Variants in IKZF1 observed in about 807,000 individuals in gnomAD.
IKZF1 encodes the protein IKAROS family zinc finger 1, also known as DNA-binding protein Ikaros.
In IKZF1, 10 loss-of-function variants were observed where a neutral mutation model predicts 51.7. The ratio of observed to expected loss-of-function variants is 0.19; its 90% CI spans 0.12 to 0.33. The LOEUF (loss-of-function observed/expected upper bound fraction) is 0.33. Among genes scored for constraint, IKZF1 ranks in the 10% least tolerant of loss-of-function variants. IKZF1 has a pLI of 1.00. For synonymous variants in IKZF1, 280 were observed against 282.3 expected (o/e 0.99, Z 0.08); for missense variants, 484 against 707.5 (o/e 0.68, Z 3.58).
intron 5 of IKZF1, among the ~76,000 whole-genome samples, chr7:50,386,871 G>A (rs759230114): frequency 3.9e-5 from 6 of 152,186 alleles, no homozygotes; most frequent in Non-Finnish European, 8.8e-5. Context: ...TTTAGCACCT[G>A]GAACTGAATT....
At chr7:50,327,910 G>A (rs1057062865) in intron 3 of IKZF1, 153 bp downstream of exon 3, 25 of 892,502 alleles carry the variant, frequency 2.8e-5, no homozygotes, top group Non-Finnish European at 4.2e-5. Context: ...GCAGGATGGG[G>A]GTCCTCTGGT....
intron 3 of IKZF1, among the ~76,000 whole-genome samples, chr7:50,346,536 C>T (rs1277861061): frequency 6.6e-6 from 1 of 152,154 alleles, no homozygotes; most frequent in African/African-American, 2.4e-5. Flanking sequence ...AAATAAACAC[C>T]ATGATGCCTT....
intron 3 of IKZF1, among the ~76,000 whole-genome samples, chr7:50,345,498 G>A (rs887743037): frequency 2.0e-5 from 3 of 152,168 alleles, no homozygotes; most frequent in Admixed American, 2.0e-4. Context: ...CAGCACTCCA[G>A]AACACATGGG....
chr7:50,400,227 A>G lies in IKZF1; in HGVS notation c.1160A>G (p.Glu387Gly). 1 of 1,601,150 alleles carries G rather than the reference A, an allele frequency of 6.2e-7. No individual in the cohort carries two copies. The change falls in exon 8 of 8, where the codon GAG becomes GGG. Residue 387 changes from glutamate to glycine, a missense_variant. Transcript: ENST00000331340. The surrounding 1 kb of genome is among the most constrained non-coding windows in gnomAD (Gnocchi z 5.4). ...SKAKLVPSER[E>G]ASPSNSCQDS... The stretch of plus-strand genomic sequence containing the variant: ...GCCAAGTTGGTGCCCTCGGAGCGCG[A>G]GGCGTCCCCGAGCAACAGCTGCCAA...
upstream of IKZF1, chr7:50,304,081 G>A (rs1461385396): frequency 1.4e-5 from 2 of 144,630 alleles, no homozygotes; most frequent in African/African-American, 5.0e-5. Flanking sequence ...CCCGGCGCGG[G>A]CGAGCGGGCT....
At position 50,372,318 on chromosome 7, in the gene IKZF1, C is replaced by T. The variant is rs185674759; in HGVS notation, c.161-4215C>T. On this transcript the variant is annotated intron_variant, in intron 3 of 7. Coordinates refer to ENST00000331340, the MANE Select transcript of IKZF1 (RefSeq NM_006060.6). ...CGCACTGCTTGAATCTTACGCGCCC[C>T]GTGGTGACGGTGTTGCCCACTCTGT... is the stretch of plus-strand genomic sequence containing the variant. Among the ~76,000 whole-genome samples, 387 of 152,312 alleles carry T rather than the reference C, an allele frequency of 2.5e-3. 3 individuals carry two copies. Among genetic ancestry groups the T allele is most frequent in the African/African-American group, 8.8e-3 (365 of 41,564 alleles).
intron 6 of IKZF1, among the ~76,000 whole-genome samples, chr7:50,388,847 C>T (rs1436729752): frequency 6.6e-6 from 1 of 152,122 alleles, no homozygotes; most frequent in Non-Finnish European, 1.5e-5. Context: ...GAAGGAAGTG[C>T]TCCTAATGAT....
chr7:50,327,602 G>A (rs1318526735), intron 2 of IKZF1, 36 bp from the exon 3 acceptor site: 1 of 1,566,706 alleles, frequency 6.4e-7, no homozygotes. Flanking sequence ...CCTTGACCAT[G>A]ACCGCCCGAG....
At chr7:50,313,537 C>T (rs1790698832) in intron 1 of IKZF1, among the ~76,000 whole-genome samples, 1 of 152,170 alleles carries the variant, frequency 6.6e-6, no homozygotes, top group South Asian at 2.1e-4. Context: ...ATCTGTCATG[C>T]ATTTGGAGTG....
At chr7:50,372,415 C>G (rs975025226) in intron 3 of IKZF1, among the ~76,000 whole-genome samples, 3 of 152,236 alleles carry the variant, frequency 2.0e-5, no homozygotes, top group Non-Finnish European at 2.9e-5. Context: ...CAACCTTTCC[C>G]GTCATAACAT....
intron 3 of IKZF1, among the ~76,000 whole-genome samples, chr7:50,339,970 GTCT>G (rs1371908106): frequency 6.6e-6 from 1 of 152,216 alleles, no homozygotes; most frequent in East Asian, 1.9e-4. Flanking sequence ...GATTAAGTTG[GTCT>G]TCTGCAAAGA....
At chr7:50,362,454 A>G (rs556377455) in intron 3 of IKZF1, among the ~76,000 whole-genome samples, 2 of 152,238 alleles carry the variant, frequency 1.3e-5, no homozygotes, top group East Asian at 1.9e-4. Context: ...CACTAGCCCT[A>G]TTGTTTTTCC....
At chr7:50,391,608 TA>T (rs1396904951) in intron 6 of IKZF1, 120 bp from the exon 7 acceptor site, 4 of 1,416,196 alleles carry the variant, frequency 2.8e-6, no homozygotes, top group Non-Finnish European at 2.8e-6. Flanking sequence ...AGATTAGAAT[TA>T]ATCTCTAGGA....
At chr7:50,365,893 A>T (rs1421250986) in intron 3 of IKZF1, among the ~76,000 whole-genome samples, 2 of 152,328 alleles carry the variant, frequency 1.3e-5, no homozygotes, top group East Asian at 3.9e-4. Flanking sequence ...TCAATGATAG[A>T]CTGGATAAAG....
chr7:50,365,053 G>C (rs2153452328), intron 3 of IKZF1, among the ~76,000 whole-genome samples: 1 of 152,346 alleles, frequency 6.6e-6, no homozygotes, highest in South Asian at 2.1e-4. Context: ...ATGTGCAGCT[G>C]CAGTACCTTA....
At chr7:50,377,899 G>A (rs1306659983) in intron 4 of IKZF1, among the ~76,000 whole-genome samples, 1 of 152,080 alleles carries the variant, frequency 6.6e-6, no homozygotes, top group Non-Finnish European at 1.5e-5. Context: ...TAAAGCTAGC[G>A]TCTCCCACTG....
chr7:50,330,621 A>T (rs1175564561), intron 3 of IKZF1, among the ~76,000 whole-genome samples: 11 of 152,210 alleles, frequency 7.2e-5, no homozygotes, highest in Admixed American at 2.6e-4. Flanking sequence ...GCCAGCTTTC[A>T]TATGTGGTGA....
chr7:50,317,744 C>T (rs2153358628), intron 1 of IKZF1, among the ~76,000 whole-genome samples: 1 of 152,178 alleles, frequency 6.6e-6, no homozygotes, highest in South Asian at 2.1e-4. Context: ...ATACATATTC[C>T]ATATGTACCA....
At chr7:50,317,280 C>T (rs35803603) in intron 1 of IKZF1, among the ~76,000 whole-genome samples, 2,859 of 152,280 alleles carry the variant, frequency 0.019, 45 homozygotes, top group East Asian at 0.042. Flanking sequence ...TGTGATAGGC[C>T]GCGCTAAAAT....
Sources: allele counts gnomAD v4.1 joint callset (sites outside exome capture counted in the v4.1 genomes callset), GRCh38; gene constraint gnomAD v4.1.1; non-coding constraint Gnocchi (gnomAD v3.1); transcripts MANE v1.5; gene names NCBI Gene and HGNC (gene_info 2026-07-23, HGNC 2026-07-21).